The following TMEM165 variants were observed in gnomAD, a reference collection of about 807,000 sequenced individuals.
TMEM165 encodes the protein transmembrane protein 165.
A neutral mutation model predicts 30.0 loss-of-function variants in TMEM165; 19 were observed. That is an observed-to-expected ratio of 0.63 (90% CI 0.44 to 0.93). The LOEUF (loss-of-function observed/expected upper bound fraction) is 0.93, where lower values mean the gene tolerates loss of function less well. TMEM165 is among the 40% of genes least tolerant of loss of function. The probability of loss-of-function intolerance (pLI) is 0.00; values close to 1 mark genes in which losing one functional copy is unlikely to be tolerated. For synonymous variants in TMEM165, 168 were observed against 162.9 expected, an observed-to-expected ratio of 1.03 and a Z score of -0.24; for missense variants, 340 against 417.0, an observed-to-expected ratio of 0.82 and a Z score of 1.61.
At chr4:55,449,880 C>T (rs1398968810) in intron 3 of TMEM165, among the ~76,000 whole-genome samples, 2 of 152,140 alleles carry the variant, frequency 1.3e-5, no homozygotes, top group Non-Finnish European at 2.9e-5. Context: ...ATCACCATTA[C>T]CACCTACACA....
chr4:55,420,127 A>C (rs2037463), intron 4 of TMEM165, among the ~76,000 whole-genome samples: 1 of 46,774 alleles, frequency 2.1e-5, no homozygotes, highest in African/African-American at 6.3e-5. Flanking sequence ...ATATACATAT[A>C]TATTTATTTA....
chr4:55,400,856 G>A lies in TMEM165; in HGVS notation c.207+4460G>A, dbSNP rs918024432. ...TAAACTATGTAATATAAGTGTCATT[G>A]GCTATTTTTGTCCACCTGATGGAGG... is the stretch of plus-strand genomic sequence containing the variant. On this transcript the variant is annotated intron_variant, in intron 1 of 5. Coordinates refer to ENST00000381334, the MANE Select transcript of TMEM165 (RefSeq NM_018475.5). Among the ~76,000 whole-genome samples, 2 of 150,612 alleles carry A rather than the reference G, an allele frequency of 1.3e-5. 1 individual carries two copies. The highest frequency in any genetic ancestry group is 5.0e-5 in the African/African-American group (2 of 39,984).
intron 3 of TMEM165, chr4:55,442,690 A>T (rs1723469632): frequency 7.0e-7 from 1 of 1,420,196 alleles, no homozygotes; most frequent in African/African-American, 1.4e-5. Context: ...TTATTTGGGA[A>T]GTATGCTAGA....
intron 2 of TMEM165, 76 bp downstream of exon 2, chr4:55,411,915 C>A: frequency 7.2e-7 from 1 of 1,381,516 alleles, no homozygotes; most frequent in South Asian, 1.2e-5. Flanking sequence ...GTCACTGAGT[C>A]ATTAACCTAG....
chr4:55,409,526 T>C lies in TMEM165; in HGVS notation c.208-2088T>C, dbSNP rs545099979. ...GCCCAGGGCGTCTCAGTCTGGGAAC[T>C]GTTGACATTTTGGATATATAATTCT... On this transcript the variant is annotated intron_variant, in intron 1 of 5. Transcript: ENST00000381334. 5.3e-5 allele frequency among the ~76,000 whole-genome samples: 8 copies of C among 152,340 alleles called. No homozygotes were observed. In the South Asian group the frequency reaches 1.7e-3, roughly 32 times the overall value.
downstream of TMEM165, chr4:55,428,903 C>CT (rs1578249859): frequency 6.7e-6 from 1 of 150,160 alleles, no homozygotes; most frequent in Non-Finnish European, 1.5e-5. Flanking sequence ...CCTTCCCCAA[C>CT]TTAAACCATA....
downstream of TMEM165, among the ~76,000 whole-genome samples, chr4:55,426,355 T>TAAG (rs1722199762): frequency 6.6e-6 from 1 of 152,132 alleles, no homozygotes; most frequent in Non-Finnish European, 1.5e-5. Context: ...GGTACTAATA[T>TAAG]AAGGTTAAAA....
chr4:55,425,295 C>G (rs1007450769), intron 5 of TMEM165, 81 bp from the exon 6 acceptor site: 16 of 1,167,298 alleles, frequency 1.4e-5, no homozygotes, highest in Middle Eastern at 2.0e-4. Flanking sequence ...AATTGGCCGC[C>G]TCATCGGCTC....
intron 3 of TMEM165, chr4:55,438,357 G>A (rs1025170980): frequency 6.2e-7 from 1 of 1,613,704 alleles, no homozygotes; most frequent in Non-Finnish European, 8.5e-7. Flanking sequence ...GCTGCTCCTG[G>A]GAGCTCTGCT....
At chr4:55,447,356 G>A (rs371703919) in intron 3 of TMEM165, among the ~76,000 whole-genome samples, 121 of 137,964 alleles carry the variant, frequency 8.8e-4, no homozygotes, top group African/African-American at 2.9e-3. Context: ...AGGGTGAGGC[G>A]TCGTCTCAAA....
intron 1 of TMEM165, among the ~76,000 whole-genome samples, chr4:55,402,261 TAAC>T (rs1451641816): frequency 2.4e-5 from 2 of 83,580 alleles, no homozygotes; most frequent in Non-Finnish European, 5.3e-5. Context: ...TAATATAAAT[TAAC>T]AAGTAACAAT....
At chr4:55,406,536 T>C (rs1205403959) in intron 1 of TMEM165, among the ~76,000 whole-genome samples, 1 of 152,250 alleles carries the variant, frequency 6.6e-6, no homozygotes, top group African/African-American at 2.4e-5. Context: ...CTTCAAAATA[T>C]CTTAATGATT....
intron 3 of TMEM165, chr4:55,444,624 A>G: frequency 6.2e-7 from 1 of 1,614,058 alleles, no homozygotes; most frequent in Non-Finnish European, 8.5e-7. Flanking sequence ...ATTCAAATAT[A>G]ACAATTACCT....
At position 55,417,195 on chromosome 4, in the gene TMEM165, G is replaced by T. The variant is rs1306039335; in HGVS notation, c.557G>T (p.Gly186Val). ...GGCTTAAAGATGAGCCCTGATGAGG[G>T]TCAAGAGGAACTGGAAGAAGTTCAA... ...REGLKMSPDE[G>V]QEELEEVQAE... Residue 186 changes from glycine (G) to valine (V), a missense_variant, in exon 3 of 6, where the codon GGT (glycine) becomes GTT (valine). Around this residue, in one of 2 missense-constraint regions of TMEM165, gnomAD observed 220 missense variants for 307.6 expected, o/e 0.72. Transcript: ENST00000381334. 5 of 1,613,574 alleles carry T rather than the reference G, an allele frequency of 3.1e-6. No individual in the cohort carries two copies. In the African/African-American group the frequency reaches 5.3e-5, roughly 17 times the overall value.
intron 1 of TMEM165, among the ~76,000 whole-genome samples, chr4:55,402,794 G>GGTTTTTTTTT (rs1491276185): frequency 3.8e-5 from 2 of 52,520 alleles, no homozygotes; most frequent in Non-Finnish European, 7.1e-5. Flanking sequence ...TTTAAAAAAA[G>GGTTTTTTTTT]CTTTTTTTTT....
chr4:55,408,143 C>A lies in TMEM165; in HGVS notation c.208-3471C>A, dbSNP rs1043669623. Reference sequence around the variant, plus strand: ...TGTTAATATTTTAATTAAAAAAGATCTTCTATCTTCACGGTACCCCGATAC... The same window carrying A: ...TGTTAATATTTTAATTAAAAAAGATATTCTATCTTCACGGTACCCCGATAC... On this transcript the variant is annotated intron_variant, in intron 1 of 5. Coordinates refer to ENST00000381334, the MANE Select transcript of TMEM165 (RefSeq NM_018475.5). Among the ~76,000 whole-genome samples, 12 of 152,242 alleles carry A rather than the reference C, an allele frequency of 7.9e-5. No individual in the cohort carries two copies. In the South Asian group the frequency reaches 2.1e-3, roughly 26 times the overall value.
chr4:55,410,753 A>G (rs1721456329), intron 1 of TMEM165, among the ~76,000 whole-genome samples: 1 of 152,228 alleles, frequency 6.6e-6, no homozygotes, highest in Non-Finnish European at 1.5e-5. Context: ...TTTTAAACAT[A>G]CCTGGGTCTT....
At chr4:55,451,430 T>C (rs1311766721) in intron 3 of TMEM165, among the ~76,000 whole-genome samples, 1 of 152,178 alleles carries the variant, frequency 6.6e-6, no homozygotes, top group Non-Finnish European at 1.5e-5. Flanking sequence ...CTCCATCACC[T>C]CTTAATATTG....
chr4:55,429,319 A>G (rs571552480), downstream of TMEM165: 1 of 152,282 alleles, frequency 6.6e-6, no homozygotes, highest in South Asian at 2.1e-4. Flanking sequence ...ACCGTTCTCT[A>G]AGTTGTGTGC....
Sources: allele counts gnomAD v4.1 joint callset (sites outside exome capture counted in the v4.1 genomes callset), GRCh38; gene constraint gnomAD v4.1.1; regional missense constraint gnomAD v4.1.1; transcripts MANE v1.5; gene names NCBI Gene and HGNC (gene_info 2026-07-23, HGNC 2026-07-21).